The following FCAMR variants were observed in gnomAD, a reference collection of about 807,000 sequenced individuals.
The protein encoded by FCAMR is high affinity immunoglobulin alpha and immunoglobulin mu Fc receptor.
In FCAMR, 51 loss-of-function variants were observed where a neutral mutation model predicts 52.2. The ratio of observed to expected loss-of-function variants is 0.98; its 90% CI spans 0.78 to 1.23. The LOEUF (loss-of-function observed/expected upper bound fraction) is 1.23. Among genes scored for constraint, FCAMR ranks in the 50% most tolerant of loss-of-function variants. The pLI, the probability that FCAMR is intolerant of heterozygous loss-of-function variation, is 0.00. For synonymous variants in FCAMR, 282 were observed against 262.0 expected (o/e 1.08, Z -0.74); for missense variants, 719 against 712.6 (o/e 1.01, Z -0.10).
In FCAMR at chr1:206,965,760, T is replaced by C. The variant is rs1012988357; in HGVS notation, c.268A>G (p.Arg90Gly). Residue 90 changes from arginine (R) to glycine (G), a missense_variant, in exon 4 of 8, where the codon AGG (arginine) becomes GGG (glycine). Transcript: ENST00000324852. Reference sequence around the variant, plus strand: ...CGCCAGCAGAGGGGCGAGGAAGGCCTGAGTGTTCCCATGGCCCGGAGATGG... The same window carrying C: ...CGCCAGCAGAGGGGCGAGGAAGGCCCGAGTGTTCCCATGGCCCGGAGATGG... ...RTHLRAMGTL[R>G]PSSPLCWREE... 4 of 1,582,610 alleles carry C rather than the reference T, an allele frequency of 2.5e-6. No individual in the cohort carries two copies. The highest frequency in any genetic ancestry group is 3.4e-4 in the Middle Eastern group (2 of 5,942).
rs1680476821 is a variant in FCAMR, at chr1:206,960,743, G to A, written c.1133C>T (p.Pro378Leu). ...AAKKVLGTIG[P>L]PALVSETLAW... ...CAAAGTTTCTGAGACCAGAGCTGGT[G>A]GCCCAATGGTTCCTAGGACCTTTTT... is the stretch of plus-strand genomic sequence containing the variant. The change falls in exon 6 of 8, where the codon CCA (proline) becomes CTA (leucine). Residue 378 changes from proline (P) to leucine (L), a missense_variant. Coordinates refer to ENST00000324852, the MANE Select transcript of FCAMR (RefSeq NM_001170631.2). The A allele has an allele frequency of 6.4e-7, 1 of 1,552,394 alleles. No individual in the cohort carries two copies. Among genetic ancestry groups the A allele is most frequent in the Non-Finnish European group, 8.7e-7 (1 of 1,147,156 alleles).
chr1:206,963,355 G>T (rs759446128), intron 4 of FCAMR, among the ~76,000 whole-genome samples: 5 of 152,156 alleles, frequency 3.3e-5, no homozygotes, highest in Non-Finnish European at 7.3e-5. Flanking sequence ...CAGCTTCCTG[G>T]ATGACTTAAA....
At position 206,960,713 on chromosome 1, in the gene FCAMR, C is replaced by A; in HGVS notation, c.1163G>T (p.Trp388Leu). Residue 388 changes from tryptophan to leucine, a missense_variant, in exon 6 of 8, where the codon TGG becomes TTG. By Grantham distance (61) the Trp-to-Leu change is moderately conservative. Coordinates refer to ENST00000324852, the MANE Select transcript of FCAMR (RefSeq NM_001170631.2). ...TGGCGTTGCTTGTGGGAGGATTTCC[C>A]AGGCCAAAGTTTCTGAGACCAGAGC... ...PPALVSETLAWEILPQATPVS... is the reference protein window; with the variant it reads ...PPALVSETLALEILPQATPVS... 4 of 1,552,288 alleles carry A rather than the reference C, an allele frequency of 2.6e-6. No homozygotes were observed. The highest frequency in any genetic ancestry group is 3.5e-6 in the Non-Finnish European group (4 of 1,147,112).
chr1:206,962,354 C>G lies in FCAMR; in HGVS notation c.511G>C (p.Ala171Pro). ...YTHHRYRDRV[A>P]LTDFPQRGLF... ...CCTCTCTGTGGAAAGTCTGTGAGGG[C>G]CACACGGTCACGATAGCGATGGTGA... The change falls in exon 5 of 8, where the codon GCC becomes CCC. Residue 171 changes from alanine to proline, a missense_variant. Coordinates refer to ENST00000324852, the MANE Select transcript of FCAMR (RefSeq NM_001170631.2). The G allele has an allele frequency of 6.2e-7, 1 of 1,614,172 alleles. No homozygotes were observed. Among genetic ancestry groups the G allele is most frequent in the South Asian group, 1.1e-5 (1 of 91,076 alleles).
At chr1:206,967,477 C>T in intron 2 of FCAMR, 106 bp downstream of exon 2, 1 of 1,273,144 alleles carries the variant, frequency 7.9e-7, no homozygotes, top group South Asian at 1.3e-5. Context: ...GTTTGAAGTC[C>T]AAACTCTAGT....
rs896522496 is a variant in FCAMR, at chr1:206,958,104, A to G, written c.*412T>C. The G allele has an allele frequency of 1.9e-5, 3 of 159,558 alleles. No individual in the cohort carries two copies. The highest frequency in any genetic ancestry group is 7.2e-5 in the African/African-American group (3 of 41,608). The allele number at this position is 159,558 out of a possible 1,614,324, so 9.9% of individuals were successfully genotyped here. ...GAAGGCAAGGCTGGTACACTTAAAT[A>G]TAATACATGTGAATGGGAGGCTGAG... On this transcript the variant is annotated 3_prime_UTR_variant, in exon 8 of 8. Transcript: ENST00000324852.
In FCAMR at chr1:206,970,431, A is replaced by T. The variant is rs879165588; in HGVS notation, c.-306T>A. On this transcript the variant is annotated 5_prime_UTR_variant, in exon 1 of 8. Coordinates refer to ENST00000324852, the MANE Select transcript of FCAMR (RefSeq NM_001170631.2). ...TGGTAACAGTAGCTTCAAAAAAGAA[A>T]ACACTGATCCATATCCTTCCTCCTC... 1.3e-4 allele frequency: 41 copies of T among 326,570 alleles called. No homozygotes were observed. In the South Asian group the frequency reaches 1.9e-3, roughly 15 times the overall value. The allele number at this position is 326,570 out of a possible 1,614,324, so 20.2% of individuals were successfully genotyped here.
rs3813954 is a variant in FCAMR at position 206,960,881 on chromosome 1, C to A, written c.995G>T (p.Ser332Ile). Residue 332 changes from serine to isoleucine, a missense_variant, in exon 6 of 8, where the codon AGC (serine) becomes ATC (isoleucine). Physicochemically the swap from Ser to Ile is moderately radical, Grantham distance 142. Transcript: ENST00000324852. ...TTEGVWEGTR[S>I]SVTNRARASK... The stretch of plus-strand genomic sequence containing the variant: ...GGCTCTAGCCCTGTTTGTCACCGAG[C>A]TTCTGGTGCCCTCCCAAACACCTTC... 1 of 1,552,410 alleles carries A rather than the reference C, an allele frequency of 6.4e-7. No individual in the cohort carries two copies.
chr1:206,969,704 G>C (rs573197436), intron 1 of FCAMR, among the ~76,000 whole-genome samples: 1 of 152,206 alleles, frequency 6.6e-6, no homozygotes, highest in Admixed American at 6.5e-5. Flanking sequence ...GTATAGAGGA[G>C]AGAGCACAGA....
At chr1:206,962,578 A>G in intron 4 of FCAMR, 27 bp from the exon 5 acceptor site, 1 of 1,492,622 alleles carries the variant, frequency 6.7e-7, no homozygotes, top group Non-Finnish European at 9.0e-7. Context: ...AAGTCAAAGG[A>G]GAGGAAGTGG....
chr1:206,962,288 T>A lies in FCAMR; in HGVS notation c.577A>T (p.Ile193Phe). 1 of 1,614,212 alleles carries A rather than the reference T, an allele frequency of 6.2e-7. No homozygotes were observed. The highest frequency in any genetic ancestry group is 8.5e-7 in the Non-Finnish European group (1 of 1,180,018). The change falls in exon 5 of 8, where the codon ATC (isoleucine) becomes TTC (phenylalanine). Residue 193 changes from isoleucine (I) to phenylalanine (F), a missense_variant. Transcript: ENST00000324852. ...VRLSQLSPDDIGCYLCGIGSE... is the reference protein window; with the variant it reads ...VRLSQLSPDDFGCYLCGIGSE... ...CCAATGCCGCAGAGGTAGCATCCGA[T>A]GTCATCCGGGGACAGTTGGGACAGC...
At chr1:206,968,557 G>A (rs144128690) in intron 1 of FCAMR, among the ~76,000 whole-genome samples, 1 of 152,124 alleles carries the variant, frequency 6.6e-6, no homozygotes, top group South Asian at 2.1e-4. Flanking sequence ...AAGGACAGGC[G>A]CTAACAGTCA....
In FCAMR at chr1:206,970,339, A is replaced by T. The variant is rs893546094; in HGVS notation, c.-214T>A. The T allele has an allele frequency of 3.6e-6, 2 of 562,292 alleles. No homozygotes were observed. Among genetic ancestry groups the T allele is most frequent in the Non-Finnish European group, 6.3e-6 (2 of 316,442 alleles). 34.8% of individuals were successfully genotyped at this position (562,292 alleles called of 1,614,324 possible). Reference sequence around the variant, plus strand: ...TTCTCTTTGGATTTTATTATTTATAAGAGGAAGCCAGTCCTAATCCCTTGT... The same window carrying T: ...TTCTCTTTGGATTTTATTATTTATATGAGGAAGCCAGTCCTAATCCCTTGT... On this transcript the variant is annotated 5_prime_UTR_variant, in exon 1 of 8. Coordinates refer to ENST00000324852, the MANE Select transcript of FCAMR (RefSeq NM_001170631.2).
Position 206,961,145 on chromosome 1 carries a change from A to C in FCAMR, c.731T>G (p.Val244Gly). ...TMRSYGTASP[V>G]ANRWTPGTTQ... is the part of the protein sequence containing the mutation. Reference sequence around the variant, plus strand: ...GGTTCCTGGGGTCCATCTGTTGGCCACTGGAGACGCTGTTCCATAGGATCT... The same window carrying C: ...GGTTCCTGGGGTCCATCTGTTGGCCCCTGGAGACGCTGTTCCATAGGATCT... The change falls in exon 6 of 8, where the codon GTG becomes GGG. Residue 244 changes from valine (V) to glycine (G), a missense_variant. Physicochemically the swap from Val to Gly is moderately radical, Grantham distance 109 (BLOSUM62 -3). Transcript: ENST00000324852. The C allele has an allele frequency of 6.4e-7, 1 of 1,551,566 alleles. No individual in the cohort carries two copies. The highest frequency in any genetic ancestry group is 2.4e-5 in the East Asian group (1 of 40,900).
At position 206,965,831 on chromosome 1, in the gene FCAMR, C is replaced by CT. The variant is rs750132652; in HGVS notation, c.196dup (p.Arg66LysfsTer103). 3.7e-6 allele frequency: 6 copies of CT among 1,606,092 alleles called. No homozygotes were observed. In the African/African-American group the frequency reaches 8.1e-5, roughly 22 times the overall value. ...CTCCCACAGCCATCTCGGATGGGGT[C>CT]TTTTTTGTGGAAGGGCGAAAGAAGA... is the stretch of plus-strand genomic sequence containing the variant. On this transcript the variant is annotated frameshift_variant, in exon 4 of 8. Coordinates refer to ENST00000324852, the MANE Select transcript of FCAMR (RefSeq NM_001170631.2). LOFTEE classifies it high-confidence loss of function.
intron 4 of FCAMR, among the ~76,000 whole-genome samples, chr1:206,964,172 A>C (rs1395255459): frequency 6.6e-6 from 1 of 152,196 alleles, no homozygotes; most frequent in Admixed American, 6.5e-5. Flanking sequence ...AAGCCCTCAC[A>C]GTGAGCTCTG....
rs1348974883 is a variant in FCAMR, at chr1:206,961,028, G to T, written c.848C>A (p.Thr283Asn). 12 of 1,551,812 alleles carry T rather than the reference G, an allele frequency of 7.7e-6. No individual in the cohort carries two copies. The highest frequency in any genetic ancestry group is 1.0e-5 in the Non-Finnish European group (12 of 1,147,054). Residue 283 changes from threonine to asparagine, a missense_variant, in exon 6 of 8, where the codon ACC becomes AAC. Physicochemically the swap from Thr to Asn is moderately conservative, Grantham distance 65. Transcript: ENST00000324852. ...KTTASAEGRRTPGATRPAAPG... is the reference protein window; with the variant it reads ...KTTASAEGRRNPGATRPAAPG... ...AGCTGCTGGCCTGGTTGCTCCTGGG[G>T]TTCGTCTTCCCTCAGCTGAAGCTGT... is the stretch of plus-strand genomic sequence containing the variant.
Position 206,961,147 on chromosome 1 carries a change from T to C in FCAMR, c.729A>G (p.Pro243=). Reference sequence around the variant, plus strand: ...TTCCTGGGGTCCATCTGTTGGCCACTGGAGACGCTGTTCCATAGGATCTCA... The same window carrying C: ...TTCCTGGGGTCCATCTGTTGGCCACCGGAGACGCTGTTCCATAGGATCTCA... ...LTMRSYGTAS[P]VANRWTPGTT... Residue 243 remains proline, a synonymous_variant, in exon 6 of 8, where the codon CCA becomes CCG. Transcript: ENST00000324852. 1 of 1,551,724 alleles carries C rather than the reference T, an allele frequency of 6.4e-7. No homozygotes were observed. The highest frequency in any genetic ancestry group is 8.7e-7 in the Non-Finnish European group (1 of 1,146,988).
intron 4 of FCAMR, among the ~76,000 whole-genome samples, chr1:206,963,539 C>T (rs376454411): frequency 2.3e-4 from 35 of 152,326 alleles, no homozygotes; most frequent in African/African-American, 7.9e-4. Flanking sequence ...TAAACTTATA[C>T]ATCCAGTCCA....
Sources: allele counts gnomAD v4.1 joint callset (sites outside exome capture counted in the v4.1 genomes callset), GRCh38; gene constraint gnomAD v4.1.1; transcripts MANE v1.5; gene names NCBI Gene and HGNC (gene_info 2026-07-23, HGNC 2026-07-21).